The following GFI1B variants were observed in gnomAD, a reference collection of about 807,000 sequenced individuals.
The protein encoded by GFI1B is growth factor independent 1B transcriptional repressor.
Under a neutral mutation model 35.3 loss-of-function variants are expected in GFI1B, and 20 were observed. The observed-to-expected ratio is 0.57, with a 90% CI of 0.40 to 0.82. GFI1B has a LOEUF of 0.82. GFI1B is among the 40% of genes least tolerant of loss of function. The pLI, the probability that GFI1B is intolerant of heterozygous loss-of-function variation, is 0.00. For synonymous variants in GFI1B, 178 were observed against 177.6 expected (o/e 1.00, Z -0.02); for missense variants, 430 against 446.3 (o/e 0.96, Z 0.33).
chr9:132,980,954 G>C (rs749037034), intron 1 of GFI1B, among the ~76,000 whole-genome samples: 1 of 152,160 alleles, frequency 6.6e-6, no homozygotes, highest in Non-Finnish European at 1.5e-5. Flanking sequence ...GGAGTGCCAT[G>C]GTGCGATCTT....
chr9:132,970,443 A>G (rs1848516394), intron 1 of GFI1B, among the ~76,000 whole-genome samples: 1 of 152,224 alleles, frequency 6.6e-6, no homozygotes, highest in East Asian at 1.9e-4. Context: ...GCACGCATGC[A>G]CGCACGCACG....
chr9:132,983,158 T>C (rs1364213153), intron 1 of GFI1B, among the ~76,000 whole-genome samples: 2 of 151,168 alleles, frequency 1.3e-5, no homozygotes, highest in African/African-American at 4.9e-5. Flanking sequence ...TGGAAAAGAC[T>C]TGAGGGTCAG....
rs185634186 is a variant in GFI1B, at chr9:132,954,844, G to A, written c.-701+9175G>A. Among the ~76,000 whole-genome samples, 9 of 151,506 alleles carry A rather than the reference G, an allele frequency of 5.9e-5. No individual in the cohort carries two copies. The East Asian group carries it at 1.0e-3, about 17-fold the overall frequency. On this transcript the variant is annotated intron_variant, in intron 1 of 10. Transcript: ENST00000339463. ...AGTGATTCTTCTGACTCAGCCTCCC[G>A]AGTAGCTGGGACTACAGGTGCGTGC...
rs913649396 is a variant in GFI1B, at chr9:132,961,667, C to G, written c.-700-11058C>G. Among the ~76,000 whole-genome samples, 7 of 151,218 alleles carry G rather than the reference C, an allele frequency of 4.6e-5. No homozygotes were observed. In the East Asian group the frequency reaches 1.4e-3, roughly 29 times the overall value. On this transcript the variant is annotated intron_variant, in intron 1 of 10. Transcript: ENST00000339463. ...AGTGCAGTGGTGCAATCTTGGCTCA[C>G]TGCAAGCTCTGCCTCCCGGGTTCAC...
chr9:132,985,056 G>A (rs374801908), intron 1 of GFI1B, among the ~76,000 whole-genome samples: 6 of 152,112 alleles, frequency 3.9e-5, no homozygotes, highest in African/African-American at 1.2e-4. Context: ...CTTGCATGGC[G>A]GCTGGCCCAA....
chr9:132,976,753 G>A (rs962705386), upstream of GFI1B, among the ~76,000 whole-genome samples: 1 of 151,938 alleles, frequency 6.6e-6, no homozygotes, highest in Non-Finnish European at 1.5e-5. Context: ...AGACCAGACT[G>A]GACAGCATAG....
At chr9:132,962,337 C>T (rs1474793758) in intron 1 of GFI1B, among the ~76,000 whole-genome samples, 3 of 152,048 alleles carry the variant, frequency 2.0e-5, no homozygotes, top group Non-Finnish European at 4.4e-5. Context: ...CAGGGTTTCA[C>T]CATGTTAGCC....
chr9:132,954,942 C>A (rs1459487715), intron 1 of GFI1B, among the ~76,000 whole-genome samples: 1 of 152,138 alleles, frequency 6.6e-6, no homozygotes, highest in East Asian at 1.9e-4. Flanking sequence ...TGGTCTCGAT[C>A]TCTTGACCTC....
chr9:132,947,933 G>T (rs1331775739), intron 1 of GFI1B, among the ~76,000 whole-genome samples: 2 of 152,150 alleles, frequency 1.3e-5, no homozygotes, highest in Non-Finnish European at 2.9e-5. Flanking sequence ...ACACTCAGCA[G>T]TCTATGAGTG....
At position 132,990,881 on chromosome 9, in the gene GFI1B, C is replaced by T. The variant is rs543214484; in HGVS notation, c.824C>T (p.Pro275Leu). The change falls in exon 7 of 7, where the codon CCG (proline) becomes CTG (leucine). Residue 275 changes from proline (P) to leucine (L), a missense_variant. By Grantham distance (98) the Pro-to-Leu change is moderately conservative. Transcript: ENST00000372122. Reference protein sequence around the residue: ...KHTYIHTGEKPHKCQVCGKAF... With the variant: ...KHTYIHTGEKLHKCQVCGKAF... ...GCTGCCCTCCCTGCAGGTGAGAAGC[C>T]GCACAAGTGCCAGGTGTGCGGAAAG... 5.6e-6 allele frequency: 9 copies of T among 1,614,200 alleles called. No homozygotes were observed. The East Asian group carries it at 6.7e-5, about 12-fold the overall frequency.
chr9:132,951,918 C>T (rs1329005615), intron 1 of GFI1B: 1 of 152,138 alleles, frequency 6.6e-6, no homozygotes, highest in Non-Finnish European at 1.5e-5. Context: ...CAGGCACACA[C>T]CACCACACCG....
chr9:132,992,776 C>T (rs1182635947), downstream of GFI1B, among the ~76,000 whole-genome samples: 1 of 152,142 alleles, frequency 6.6e-6, no homozygotes, highest in Non-Finnish European at 1.5e-5. Context: ...GTGTGGATAA[C>T]TTCAGGAGGT....
At chr9:132,985,377 C>G (rs1039616074) in intron 1 of GFI1B, among the ~76,000 whole-genome samples, 2 of 152,148 alleles carry the variant, frequency 1.3e-5, no homozygotes, top group African/African-American at 2.4e-5. Context: ...CACTCCCTGA[C>G]TGGTGGGGTT....
intron 1 of GFI1B, among the ~76,000 whole-genome samples, chr9:132,954,933 G>A (rs1479846717): frequency 6.6e-6 from 1 of 152,036 alleles, no homozygotes; most frequent in African/African-American, 2.4e-5. Flanking sequence ...TGGCCAGGAT[G>A]GTCTCGATCT....
upstream of GFI1B, among the ~76,000 whole-genome samples, chr9:132,974,176 G>C (rs545214737): frequency 6.6e-6 from 1 of 152,300 alleles, no homozygotes; most frequent in Admixed American, 6.5e-5. Context: ...TATCATTAGT[G>C]TCTCCCAAAC....
intron 1 of GFI1B, among the ~76,000 whole-genome samples, chr9:132,961,390 A>G (rs1848360796): frequency 1.3e-5 from 2 of 151,174 alleles, no homozygotes; most frequent in African/African-American, 4.9e-5. Context: ...CTATTATATC[A>G]CAGTCTTAAT....
chr9:132,982,980 T>G (rs996140426), intron 1 of GFI1B, among the ~76,000 whole-genome samples: 1 of 152,118 alleles, frequency 6.6e-6, no homozygotes, highest in Non-Finnish European at 1.5e-5. Flanking sequence ...CCAGGGCTCA[T>G]GAGCGCTAGA....
At position 132,989,088 on chromosome 9, in the gene GFI1B, G is replaced by C; in HGVS notation, c.538G>C (p.Val180Leu). 1 of 1,614,106 alleles carries C rather than the reference G, an allele frequency of 6.2e-7. No individual in the cohort carries two copies. Among genetic ancestry groups the C allele is most frequent in the Non-Finnish European group, 8.5e-7 (1 of 1,179,946 alleles). ...KVFSTPHGLE[V>L]HVRRSHSGTR... Reference sequence around the variant, plus strand: ...CTTCTCCACCCCTCACGGGCTCGAAGTGCATGTGCGACGCTCCCATAGTGG... The same window carrying C: ...CTTCTCCACCCCTCACGGGCTCGAACTGCATGTGCGACGCTCCCATAGTGG... The change falls in exon 5 of 7, where the codon GTG (valine) becomes CTG (leucine). Residue 180 changes from valine to leucine, a missense_variant. Physicochemically the swap from Val to Leu is conservative, Grantham distance 32 (BLOSUM62 1). Transcript: ENST00000372122. The surrounding 1 kb of genome is among the most constrained non-coding windows in gnomAD (Gnocchi z 6.2).
upstream of GFI1B, among the ~76,000 whole-genome samples, chr9:132,978,019 G>T (rs1160782634): frequency 2.0e-5 from 3 of 151,864 alleles, no homozygotes; most frequent in African/African-American, 4.8e-5. Context: ...GACAAGAGGG[G>T]CCTCTATGCA....
Sources: allele counts gnomAD v4.1 joint callset (sites outside exome capture counted in the v4.1 genomes callset), GRCh38; gene constraint gnomAD v4.1.1; non-coding constraint Gnocchi (gnomAD v3.1); transcripts MANE v1.5; gene names NCBI Gene and HGNC (gene_info 2026-07-23, HGNC 2026-07-21).